The following GYS2 variants were observed in gnomAD, a reference collection of about 807,000 sequenced individuals.
The protein encoded by GYS2 is glycogen [starch] synthase, liver.
A neutral mutation model predicts 85.6 loss-of-function variants in GYS2; 80 were observed. The observed-to-expected ratio is 0.93, with a 90% CI of 0.78 to 1.13. The LOEUF (loss-of-function observed/expected upper bound fraction) is 1.13. Ranked by LOEUF, GYS2 falls within the 50% of genes most tolerant of loss-of-function variation. The probability of loss-of-function intolerance (pLI) is 0.00; values close to 1 mark genes in which losing one functional copy is unlikely to be tolerated. For missense variants in GYS2, 881 were observed against 854.9 expected (o/e 1.03, Z -0.38); for synonymous variants, 328 against 300.7 (o/e 1.09, Z -0.94).
chr12:21,542,052 C>A (rs949273505), intron 13 of GYS2, among the ~76,000 whole-genome samples: 1 of 149,530 alleles, frequency 6.7e-6, no homozygotes, highest in African/African-American at 2.5e-5. Flanking sequence ...TATAAATCTA[C>A]TTTTTTTTTT....
chr12:21,568,952 G>A lies in GYS2; in HGVS notation c.736C>T (p.Arg246Ter), dbSNP rs121918419. The A allele has an allele frequency of 2.5e-4, 407 of 1,613,202 alleles. 2 individuals are homozygous for A. Among genetic ancestry groups the A allele is most frequent in the South Asian group, 2.0e-3 (185 of 91,054 alleles). ...ACGTGAGCGCAATGAACGGAAGCTC[G>A]CTCCATGCAGTACCGGTGGTAAATC... ...RQIYHRYCME[R>*]ASVHCAHVFT... Residue 246 changes from arginine to a stop codon, truncating the protein, a stop_gained, in exon 5 of 16, where the codon CGA (arginine) becomes TGA (stop). Transcript: ENST00000261195. LOFTEE classifies it high-confidence loss of function.
At chr12:21,596,445 A>G (rs1289783535) in intron 1 of GYS2, among the ~76,000 whole-genome samples, 4 of 152,122 alleles carry the variant, frequency 2.6e-5, no homozygotes, top group Admixed American at 2.6e-4. Context: ...TTGGTTTGAC[A>G]TCTGCAAGTC....
chr12:21,592,573 T>A (rs1944651865), intron 1 of GYS2, among the ~76,000 whole-genome samples: 1 of 152,026 alleles, frequency 6.6e-6, no homozygotes, highest in Non-Finnish European at 1.5e-5. Flanking sequence ...AAAGGAACAA[T>A]TCAGCAAGAG....
intron 2 of GYS2, among the ~76,000 whole-genome samples, chr12:21,576,424 T>C (rs1302710571): frequency 6.6e-6 from 1 of 152,222 alleles, no homozygotes; most frequent in African/African-American, 2.4e-5. Flanking sequence ...TCTGAAAACC[T>C]GGGTAGTTGG....
chr12:21,553,796 A>AACACAC (rs3061568), intron 11 of GYS2, among the ~76,000 whole-genome samples: 72,181 of 151,238 alleles, frequency 0.48, 17,390 homozygotes, highest in South Asian at 0.58. Context: ...ACACACATAT[A>AACACAC]ACACACACAC....
downstream of GYS2, among the ~76,000 whole-genome samples, chr12:21,533,938 C>T (rs963833862): frequency 2.0e-5 from 3 of 152,122 alleles, no homozygotes; most frequent in Non-Finnish European, 2.9e-5. Flanking sequence ...TGTGTCCTCA[C>T]GTGGTGGAAA....
At chr12:21,591,119 T>C (rs558276992) in intron 1 of GYS2, among the ~76,000 whole-genome samples, 1 of 149,166 alleles carries the variant, frequency 6.7e-6, no homozygotes, top group Admixed American at 6.6e-5. Flanking sequence ...TTAATAATTC[T>C]TCAGCAACAT....
At chr12:21,587,339 C>T (rs1168771418) in intron 1 of GYS2, among the ~76,000 whole-genome samples, 1 of 152,196 alleles carries the variant, frequency 6.6e-6, no homozygotes, top group Non-Finnish European at 1.5e-5. Flanking sequence ...TACAGCTTGA[C>T]TGTGTCCCCA....
intron 13 of GYS2, among the ~76,000 whole-genome samples, chr12:21,541,921 A>G (rs1166791600): frequency 6.6e-6 from 1 of 152,068 alleles, no homozygotes; most frequent in African/African-American, 2.4e-5. Flanking sequence ...TGTGTATTCA[A>G]TGTTTAGCTC....
chr12:21,534,244 C>T (rs1483504766), downstream of GYS2, among the ~76,000 whole-genome samples: 2 of 152,180 alleles, frequency 1.3e-5, no homozygotes, highest in Non-Finnish European at 2.9e-5. Flanking sequence ...GGCATGGTGG[C>T]TCATGCCTGT....
intron 11 of GYS2, among the ~76,000 whole-genome samples, chr12:21,552,579 T>C (rs1207096067): frequency 6.6e-6 from 1 of 152,232 alleles, no homozygotes; most frequent in Non-Finnish European, 1.5e-5. Context: ...CTCAGTGCTT[T>C]GAGTATGTAG....
At chr12:21,545,501 G>C (rs922737648) in intron 12 of GYS2, among the ~76,000 whole-genome samples, 3 of 152,244 alleles carry the variant, frequency 2.0e-5, no homozygotes, top group Admixed American at 2.0e-4. Context: ...AAAAATATCT[G>C]ATTATTAATA....
At chr12:21,579,661 G>A (rs1455497843) in intron 2 of GYS2, among the ~76,000 whole-genome samples, 5 of 151,958 alleles carry the variant, frequency 3.3e-5, no homozygotes, top group South Asian at 2.1e-4. Flanking sequence ...ATGCCTGGCC[G>A]CTTTTTCTTA....
intron 1 of GYS2, among the ~76,000 whole-genome samples, chr12:21,600,433 G>A (rs1395351301): frequency 2.6e-5 from 4 of 152,056 alleles, no homozygotes; most frequent in African/African-American, 9.7e-5. Flanking sequence ...GGGCCTTGAT[G>A]GATCTTTAAA....
At chr12:21,550,343 A>ACG in intron 11 of GYS2, among the ~76,000 whole-genome samples, 1 of 123,580 alleles carries the variant, frequency 8.1e-6, no homozygotes, top group African/African-American at 3.5e-5. Context: ...ACACACACAC[A>ACG]CACACACACC....
At chr12:21,586,419 ATATC>A (rs60692055) in intron 1 of GYS2, among the ~76,000 whole-genome samples, 35,299 of 147,740 alleles carry the variant, frequency 0.24, 4,329 homozygotes, top group Middle Eastern at 0.33. Context: ...ATCTAAATCT[ATATC>A]TATCTATCTA....
rs1871137 is a variant in GYS2 at position 21,559,640 on chromosome 12, C to T, written c.1229+11G>A. The T allele has an allele frequency of 0.78, 1,109,823 of 1,431,098 alleles. 432,041 individuals carry two copies. Among genetic ancestry groups the T allele is most frequent in the South Asian group, 0.79 (69,078 of 87,384 alleles). The allele number at this position is 1,431,098 out of a possible 1,614,324, so 88.6% of individuals were successfully genotyped here. On this transcript the variant is annotated intron_variant, in intron 9 of 15. Transcript: ENST00000261195. ...TAAGTGATTGAAGTAGAAAGCATTT[C>T]AAGCACCTACCTTAATAATGCATCA...
chr12:21,587,610 G>T (rs910330547), intron 1 of GYS2, among the ~76,000 whole-genome samples: 1 of 152,020 alleles, frequency 6.6e-6, no homozygotes, highest in Non-Finnish European at 1.5e-5. Context: ...CAGCCCTGTG[G>T]AACTGTGAGA....
intron 14 of GYS2, 91 bp from the exon 15 acceptor site, chr12:21,539,429 T>C (rs2136836160): frequency 1.3e-6 from 1 of 774,538 alleles, no homozygotes; most frequent in Admixed American, 1.9e-5. Context: ...CTCCTAGTTC[T>C]GAAACATATG....
Sources: gnomAD v4.1 joint callset for allele counts (sites outside exome capture counted in the v4.1 genomes callset) on GRCh38, gnomAD v4.1.1 for gene constraint, MANE v1.5 for transcripts, NCBI Gene and HGNC (gene_info 2026-07-23, HGNC 2026-07-21) for gene names.